The following RERG variants were observed in gnomAD, a reference collection of about 807,000 sequenced individuals.
RERG encodes RAS like estrogen regulated growth inhibitor.
RERG carries 25 observed loss-of-function variants against 23.2 expected under a neutral mutation model. The observed-to-expected ratio is 1.08, with a 90% CI of 0.79 to 1.50. The LOEUF (loss-of-function observed/expected upper bound fraction) is 1.50. Among genes scored for constraint, RERG ranks in the 40% most tolerant of loss-of-function variants. The pLI, the probability that RERG is intolerant of heterozygous loss-of-function variation, is 0.00. For missense variants in RERG, 253 were observed against 250.1 expected (o/e 1.01, Z -0.08); for synonymous variants, 81 against 89.1 (o/e 0.91, Z 0.51).
intron 2 of RERG, among the ~76,000 whole-genome samples, chr12:15,164,971 C>T (rs1864666260): frequency 6.6e-6 from 1 of 152,164 alleles, no homozygotes; most frequent in South Asian, 2.1e-4. Context: ...GTCAATAATC[C>T]TCTTGGCACT....
chr12:15,193,182 T>A, intron 2 of RERG, among the ~76,000 whole-genome samples: 1 of 152,200 alleles, frequency 6.6e-6, no homozygotes, highest in African/African-American at 2.4e-5. Context: ...CTATAATTTG[T>A]TAATTGGAAT....
chr12:15,142,212 C>T (rs544362149), intron 2 of RERG, among the ~76,000 whole-genome samples: 155 of 152,216 alleles, frequency 1.0e-3, no homozygotes, highest in African/African-American at 3.5e-3. Context: ...CCTTAATAAT[C>T]CAAGAGTCAT....
intron 2 of RERG, among the ~76,000 whole-genome samples, chr12:15,208,521 T>C (rs943610576): frequency 6.6e-6 from 1 of 152,154 alleles, no homozygotes; most frequent in Admixed American, 6.5e-5. Flanking sequence ...AGTCCTAGTA[T>C]GTGTCAAATA....
At chr12:15,164,420 T>C (rs1221862928) in intron 2 of RERG, among the ~76,000 whole-genome samples, 1 of 152,194 alleles carries the variant, frequency 6.6e-6, no homozygotes, top group Non-Finnish European at 1.5e-5. Flanking sequence ...AGCTCATTAA[T>C]TCCCACTTCC....
At chr12:15,131,426 G>A (rs1864044209) in intron 2 of RERG, among the ~76,000 whole-genome samples, 1 of 152,058 alleles carries the variant, frequency 6.6e-6, no homozygotes, top group Non-Finnish European at 1.5e-5. Context: ...AGAATTATTT[G>A]TAAGGTATTA....
chr12:15,167,784 C>CA (rs916526622), intron 2 of RERG, among the ~76,000 whole-genome samples: 29 of 151,982 alleles, frequency 1.9e-4, no homozygotes, highest in African/African-American at 6.8e-4. Flanking sequence ...CTAATAAAGA[C>CA]AAAAAAATCA....
intron 2 of RERG, among the ~76,000 whole-genome samples, chr12:15,128,086 C>T (rs1863979799): frequency 2.0e-5 from 3 of 151,778 alleles, no homozygotes; most frequent in South Asian, 4.1e-4. Flanking sequence ...TCTATGTATA[C>T]GATATAATTC....
intron 2 of RERG, among the ~76,000 whole-genome samples, chr12:15,131,256 G>C (rs1212806036): frequency 3.9e-5 from 6 of 151,932 alleles, no homozygotes; most frequent in Admixed American, 2.6e-4. Flanking sequence ...TAAATCAAAA[G>C]GGTTTTGTGT....
At chr12:15,136,818 G>A (rs1235515556) in intron 2 of RERG, among the ~76,000 whole-genome samples, 2 of 151,856 alleles carry the variant, frequency 1.3e-5, no homozygotes, top group African/African-American at 2.4e-5. Flanking sequence ...GACCTAGAAC[G>A]TGGTCTATCT....
intron 2 of RERG, among the ~76,000 whole-genome samples, chr12:15,128,280 A>G (rs1159811858): frequency 1.3e-5 from 2 of 151,886 alleles, no homozygotes; most frequent in Non-Finnish European, 3.0e-5. Context: ...TTTTAGATAA[A>G]GAAGATTTTT....
At chr12:15,200,664 G>A (rs1262042691) in intron 2 of RERG, among the ~76,000 whole-genome samples, 1 of 151,826 alleles carries the variant, frequency 6.6e-6, no homozygotes, top group Non-Finnish European at 1.5e-5. Context: ...TTTTAGTGAA[G>A]AATAAAACAC....
intron 2 of RERG, among the ~76,000 whole-genome samples, chr12:15,211,884 A>G (rs1379923996): frequency 6.6e-6 from 1 of 152,060 alleles, no homozygotes; most frequent in Non-Finnish European, 1.5e-5. Flanking sequence ...ATGCTCCAAA[A>G]GTTTAATGGC....
chr12:15,125,990 CTT>C (rs1863930471), intron 2 of RERG, among the ~76,000 whole-genome samples: 2 of 151,312 alleles, frequency 1.3e-5, no homozygotes, highest in South Asian at 4.2e-4. Context: ...TGAGCCTACT[CTT>C]TCCTAGCCTC....
At chr12:15,198,052 G>A (rs750511783) in intron 2 of RERG, among the ~76,000 whole-genome samples, 2 of 152,076 alleles carry the variant, frequency 1.3e-5, no homozygotes, top group Non-Finnish European at 2.9e-5. Context: ...TTGTCTATAA[G>A]GACATCACCT....
At chr12:15,124,207 C>T (rs1440304637) in intron 2 of RERG, among the ~76,000 whole-genome samples, 1 of 151,978 alleles carries the variant, frequency 6.6e-6, no homozygotes, top group African/African-American at 2.4e-5. Flanking sequence ...AAGGTAAAAC[C>T]ACTACATTAA....
intron 2 of RERG, among the ~76,000 whole-genome samples, chr12:15,196,340 G>C (rs1325461121): frequency 4.6e-5 from 7 of 152,152 alleles, no homozygotes; most frequent in Non-Finnish European, 1.0e-4. Flanking sequence ...AATGACTGTG[G>C]CTTCAGCTTC....
intron 2 of RERG, among the ~76,000 whole-genome samples, chr12:15,205,269 C>CT (rs1282796316): frequency 6.6e-6 from 1 of 151,818 alleles, no homozygotes; most frequent in Non-Finnish European, 1.5e-5. Flanking sequence ...TTTTATTGGG[C>CT]TTATAGAGGG....
At position 15,169,141 on chromosome 12, in the gene RERG, G is replaced by A. The variant is rs150468528; in HGVS notation, c.62-48022C>T. Among the ~76,000 whole-genome samples the A allele has an allele frequency of 3.3e-4, 51 of 152,320 alleles. No individual in the cohort carries two copies. The East Asian group carries it at 4.2e-3, about 13-fold the overall frequency. On this transcript the variant is annotated intron_variant, in intron 2 of 4. Transcript: ENST00000256953. ...AGTGCAAACTTAAACCTACAAGATC[G>A]AGGAGGTGAAGTTTAAATAGTAAGT...
At chr12:15,206,758 C>T (rs1264545259) in intron 2 of RERG, among the ~76,000 whole-genome samples, 8 of 152,112 alleles carry the variant, frequency 5.3e-5, no homozygotes, top group Admixed American at 5.2e-4. Flanking sequence ...CACATAAATT[C>T]AGCCATTTTA....
Sources: gnomAD v4.1 joint callset for allele counts (sites outside exome capture counted in the v4.1 genomes callset) on GRCh38, gnomAD v4.1.1 for gene constraint, MANE v1.5 for transcripts, NCBI Gene and HGNC (gene_info 2026-07-23, HGNC 2026-07-21) for gene names.